The following TMEM132D variants were observed in gnomAD, a reference collection of about 807,000 sequenced individuals.
TMEM132D encodes the protein mature OL transmembrane protein.
A neutral mutation model predicts 62.3 loss-of-function variants in TMEM132D; 21 were observed. That is an observed-to-expected ratio of 0.34 (90% CI 0.24 to 0.49). TMEM132D has a LOEUF of 0.49. TMEM132D is among the 20% of genes least tolerant of loss of function. TMEM132D has a pLI of 0.99. For missense variants in TMEM132D, 1,346 were observed against 1,402.8 expected (o/e 0.96, Z 0.65); for synonymous variants, 621 against 575.6 (o/e 1.08, Z -1.13).
At chr12:129,451,188 A>C (rs12424570) in intron 3 of TMEM132D, among the ~76,000 whole-genome samples, 34,064 of 152,082 alleles carry the variant, frequency 0.22, 4,800 homozygotes, top group East Asian at 0.66. Flanking sequence ...GGCTTCCTAC[A>C]ATGTGAAGCT....
At chr12:129,386,820 C>T (rs1399010419) in intron 3 of TMEM132D, among the ~76,000 whole-genome samples, 3 of 151,766 alleles carry the variant, frequency 2.0e-5, no homozygotes, top group African/African-American at 4.8e-5. Flanking sequence ...ACACCAATGC[C>T]GATGCCAACA....
chr12:129,851,391 T>C (rs973557038), intron 1 of TMEM132D, among the ~76,000 whole-genome samples: 20 of 152,134 alleles, frequency 1.3e-4, no homozygotes, highest in Admixed American at 1.2e-3. Flanking sequence ...ATAATAAATA[T>C]TAAATTGAAA....
chr12:129,814,822 C>G (rs1320462123), intron 1 of TMEM132D, among the ~76,000 whole-genome samples: 1 of 151,992 alleles, frequency 6.6e-6, no homozygotes, highest in African/African-American at 2.4e-5. Flanking sequence ...GCCCAGTTCT[C>G]AACATCTAAG....
intron 2 of TMEM132D, among the ~76,000 whole-genome samples, chr12:129,687,323 A>G (rs922512912): frequency 6.6e-6 from 1 of 152,058 alleles, no homozygotes; most frequent in African/African-American, 2.4e-5. Context: ...ATTAATGTCA[A>G]TTTCCTAATC....
intron 3 of TMEM132D, among the ~76,000 whole-genome samples, chr12:129,513,237 A>G (rs184724738): frequency 6.6e-6 from 1 of 152,240 alleles, no homozygotes; most frequent in East Asian, 1.9e-4. Flanking sequence ...AGAAAACTTG[A>G]CAGGCTTTGT....
intron 2 of TMEM132D, among the ~76,000 whole-genome samples, chr12:129,544,712 A>C (rs1487970749): frequency 6.6e-6 from 1 of 152,236 alleles, no homozygotes; most frequent in African/African-American, 2.4e-5. Flanking sequence ...AAAGAAAAGA[A>C]ATGAAAAGAA....
At chr12:129,565,933 G>T (rs1276461763) in intron 2 of TMEM132D, among the ~76,000 whole-genome samples, 1 of 152,194 alleles carries the variant, frequency 6.6e-6, no homozygotes, top group African/African-American at 2.4e-5. Context: ...TGAAGATGCA[G>T]TAAACATTAT....
chr12:129,183,332 C>T (rs992297482), intron 5 of TMEM132D, among the ~76,000 whole-genome samples: 5 of 152,196 alleles, frequency 3.3e-5, no homozygotes, highest in East Asian at 1.9e-4. Context: ...CGAGAGGTTG[C>T]TCCTAAAACA....
chr12:129,622,206 C>A (rs1245720204), intron 2 of TMEM132D, among the ~76,000 whole-genome samples: 1 of 152,164 alleles, frequency 6.6e-6, no homozygotes, highest in Non-Finnish European at 1.5e-5. Flanking sequence ...AAAGCAGAAG[C>A]CAGCAAGAGT....
At chr12:129,093,407 C>A (rs1348736184) in intron 5 of TMEM132D, among the ~76,000 whole-genome samples, 2 of 151,954 alleles carry the variant, frequency 1.3e-5, no homozygotes, top group Non-Finnish European at 2.9e-5. Context: ...AACAGAGAGC[C>A]AAATCATGAG....
chr12:129,806,551 G>A lies in TMEM132D; in HGVS notation c.79+96710C>T, dbSNP rs1197403635. 3.3e-4 allele frequency among the ~76,000 whole-genome samples: 37 copies of A among 111,856 alleles called. No homozygotes were observed. In the East Asian group the frequency reaches 0.012, roughly 36 times the overall value. The allele number at this position is 111,856 out of a possible 152,430, so 73.4% of individuals were successfully genotyped here. On this transcript the variant is annotated intron_variant, in intron 1 of 8. Coordinates refer to ENST00000422113, the MANE Select transcript of TMEM132D (RefSeq NM_133448.3). Reference sequence around the variant, plus strand: ...CACTCTGGGGACTGTTGTGGGGTGGGGGGAGGGGGGAGGGATAGCATTGGG... The same window carrying A: ...CACTCTGGGGACTGTTGTGGGGTGGAGGGAGGGGGGAGGGATAGCATTGGG...
At chr12:129,591,835 T>G (rs952056440) in intron 2 of TMEM132D, among the ~76,000 whole-genome samples, 1 of 152,116 alleles carries the variant, frequency 6.6e-6, no homozygotes, top group African/African-American at 2.4e-5. Flanking sequence ...TGATGCATAT[T>G]TAAATGGATA....
At position 129,277,328 on chromosome 12, in the gene TMEM132D, A is replaced by G. The variant is rs1024233965; in HGVS notation, c.1299+60306T>C. Among the ~76,000 whole-genome samples the G allele has an allele frequency of 2.6e-5, 4 of 152,184 alleles. No individual in the cohort carries two copies. The highest frequency in any genetic ancestry group is 9.7e-5 in the African/African-American group (4 of 41,446). ...GTATTTGTGTCAAATTAAGGCTTCC[A>G]CTGTATTTTGAAATGTTTGATATGA... On this transcript the variant is annotated intron_variant, in intron 4 of 8. Transcript: ENST00000422113. The surrounding 1 kb of genome is among the most constrained non-coding windows in gnomAD (Gnocchi z 4.2).
At chr12:129,265,591 G>A (rs1880666837) in intron 4 of TMEM132D, among the ~76,000 whole-genome samples, 1 of 152,036 alleles carries the variant, frequency 6.6e-6, no homozygotes, top group Non-Finnish European at 1.5e-5. Context: ...TGCCGTTCGG[G>A]CTCCCCATGG....
At chr12:129,650,546 C>T (rs552719984) in intron 2 of TMEM132D, among the ~76,000 whole-genome samples, 5 of 152,154 alleles carry the variant, frequency 3.3e-5, no homozygotes, top group African/African-American at 7.2e-5. Flanking sequence ...ACTTTCAAAA[C>T]GATTGTAACA....
At chr12:129,511,904 G>A (rs1484981113) in intron 3 of TMEM132D, among the ~76,000 whole-genome samples, 1 of 152,182 alleles carries the variant, frequency 6.6e-6, no homozygotes, top group Non-Finnish European at 1.5e-5. Flanking sequence ...ATAAGACTCA[G>A]AAGAAAGTTG....
intron 4 of TMEM132D, among the ~76,000 whole-genome samples, chr12:129,329,157 A>C (rs1869019988): frequency 6.6e-6 from 1 of 151,928 alleles, no homozygotes; most frequent in Non-Finnish European, 1.5e-5. Flanking sequence ...CATCTCCTCC[A>C]TATATGTGTA....
intron 2 of TMEM132D, among the ~76,000 whole-genome samples, chr12:129,620,666 T>G (rs1335572012): frequency 6.6e-6 from 1 of 152,180 alleles, no homozygotes; most frequent in Non-Finnish European, 1.5e-5. Flanking sequence ...ATCATGTCCT[T>G]TGCAGGGACA....
At chr12:129,134,663 A>G (rs1016795765) in intron 5 of TMEM132D, among the ~76,000 whole-genome samples, 2 of 152,214 alleles carry the variant, frequency 1.3e-5, no homozygotes, top group African/African-American at 4.8e-5. Flanking sequence ...AATTTGTCCA[A>G]TGTGATTCAG....
Sources: allele counts gnomAD v4.1 joint callset (sites outside exome capture counted in the v4.1 genomes callset), GRCh38; gene constraint gnomAD v4.1.1; non-coding constraint Gnocchi (gnomAD v3.1); transcripts MANE v1.5; gene names NCBI Gene and HGNC (gene_info 2026-07-23, HGNC 2026-07-21).